KL: variants seen among roughly 807,000 people sequenced by gnomAD.
KL encodes alpha-klotho.
Under a neutral mutation model 84.2 loss-of-function variants are expected in KL, and 62 were observed. That is an observed-to-expected ratio of 0.74 (90% CI 0.60 to 0.91). The LOEUF is 0.91. Among genes scored for constraint, KL ranks in the 40% least tolerant of loss-of-function variants. KL has a pLI of 0.00. For synonymous variants in KL, 528 were observed against 528.0 expected, an observed-to-expected ratio of 1.00 and a Z score of 0.00; for missense variants, 1,261 against 1,305.7, an observed-to-expected ratio of 0.97 and a Z score of 0.53.
At chr13:33,044,635 A>ATTTTTTTTTTTT (rs1871453892) in intron 1 of KL, among the ~76,000 whole-genome samples, 1 of 72,292 alleles carries the variant, frequency 1.4e-5, no homozygotes. Context: ...AATGCAATTG[A>ATTTTTTTTTTTT]TTTTCTTTTT....
chr13:33,061,292 C>T lies in KL; in HGVS notation c.2213C>T (p.Ala738Val). ...TTGCAGGCTGATTGGATAGAACCTG[C>T]CTGCCCTTTCTCCCAAAAGGACAAA... The part of the protein sequence containing the change: ...IALQADWIEP[A>V]CPFSQKDKEV... Residue 738 changes from alanine (A) to valine (V), a missense_variant, in exon 4 of 5, where the codon GCC becomes GTC. Coordinates refer to ENST00000380099, the MANE Select transcript of KL (RefSeq NM_004795.4). 6.2e-7 allele frequency: 1 copy of T among 1,614,196 alleles called. No individual in the cohort carries two copies. The highest frequency in any genetic ancestry group is 8.5e-7 in the Non-Finnish European group (1 of 1,180,044).
chr13:33,059,365 G>A (rs2138240367), intron 3 of KL, among the ~76,000 whole-genome samples: 1 of 152,268 alleles, frequency 6.6e-6, no homozygotes, highest in South Asian at 2.1e-4. Context: ...CATTGTTACA[G>A]AAGAATAATT....
In KL at chr13:33,016,971, G is replaced by A; in HGVS notation, c.531G>A (p.Leu177=). 1 of 1,598,682 alleles carries A rather than the reference G, an allele frequency of 6.3e-7. No homozygotes were observed. Among genetic ancestry groups the A allele is most frequent in the Non-Finnish European group, 8.5e-7 (1 of 1,174,870 alleles). ...GGCTGCGCTACTACCGGCGCCTGCT[G>A]GAGCGGCTGCGGGAGCTGGGCGTGC... The part of the protein sequence containing the change: ...REGLRYYRRL[L]ERLRELGVQP... Residue 177 remains leucine (L), a synonymous_variant, in exon 1 of 5, where the codon CTG becomes CTA. Coordinates refer to ENST00000380099, the MANE Select transcript of KL (RefSeq NM_004795.4).
chr13:33,039,965 T>C (rs1871278898), intron 1 of KL, among the ~76,000 whole-genome samples: 1 of 152,144 alleles, frequency 6.6e-6, no homozygotes, highest in African/African-American at 2.4e-5. Flanking sequence ...TGCTAAGAAG[T>C]CCAAAGCAGG....
chr13:33,037,760 A>G (rs1384584739), intron 1 of KL, among the ~76,000 whole-genome samples: 2 of 152,052 alleles, frequency 1.3e-5, no homozygotes, highest in Non-Finnish European at 2.9e-5. Flanking sequence ...TGCCCAAGCT[A>G]GTACACTGGA....
chr13:33,054,386 G>C, intron 2 of KL, 109 bp downstream of exon 2: 6 of 1,195,676 alleles, frequency 5.0e-6, no homozygotes, highest in Non-Finnish European at 7.3e-6. Context: ...TCCTAATGGA[G>C]ACATTCATTT....
intron 1 of KL, among the ~76,000 whole-genome samples, chr13:33,030,313 C>T (rs1311919298): frequency 5.9e-5 from 9 of 152,126 alleles, no homozygotes; most frequent in Non-Finnish European, 1.2e-4. Context: ...ATTTTCTGAG[C>T]TAAGTTTGGT....
rs1224233820 is a variant in KL, at chr13:33,055,120, A to G, written c.1404A>G (p.Arg468=). 6.2e-7 allele frequency: 1 copy of G among 1,614,066 alleles called. No homozygotes were observed. Among genetic ancestry groups the G allele is most frequent in the Non-Finnish European group, 8.5e-7 (1 of 1,180,052 alleles). The part of the protein sequence containing the change: ...WSLMDGFEWH[R]GYSIRRGLFY... ...TCATGGATGGTTTCGAGTGGCACAG[A>G]GGTTACAGCATCAGGCGTGGACTCT... Residue 468 remains arginine, a synonymous_variant, in exon 3 of 5, where the codon AGA becomes AGG. Transcript: ENST00000380099.
chr13:33,061,519 G>A lies in KL; in HGVS notation c.2440G>A (p.Val814Ile). 6.2e-7 allele frequency: 1 copy of A among 1,614,182 alleles called. No individual in the cohort carries two copies. The highest frequency in any genetic ancestry group is 1.1e-5 in the South Asian group (1 of 91,076). Residue 814 changes from valine to isoleucine, a missense_variant, in exon 4 of 5, where the codon GTA (valine) becomes ATA (isoleucine). Physicochemically the swap from Val to Ile is conservative, Grantham distance 29. Transcript: ENST00000380099. ...LALSHYTTIL[V>I]DSEKEDPIKY... ...TTTAAGCCATTATACCACCATCCTT[G>A]TAGACTCAGAAAAAGAAGATCCAAT...
At chr13:33,026,445 G>A (rs1870779100) in intron 1 of KL, among the ~76,000 whole-genome samples, 1 of 115,336 alleles carries the variant, frequency 8.7e-6, no homozygotes, top group Non-Finnish European at 1.9e-5. Context: ...GAAGAATGGG[G>A]TGGGGGGGTC....
chr13:33,016,747 G>T lies in KL; in HGVS notation c.307G>T (p.Asp103Tyr), dbSNP rs548833535. The change falls in exon 1 of 5, where the codon GAC (aspartate) becomes TAC (tyrosine). Residue 103 changes from aspartate to tyrosine, a missense_variant. Coordinates refer to ENST00000380099, the MANE Select transcript of KL (RefSeq NM_004795.4). ...CCACCACCCCCTGGCACCCCCGGGA[G>T]ACTCCCGGAACGCCAGTCTGCCGTT... ...FTHHPLAPPGDSRNASLPLGA... is the reference protein window; with the variant it reads ...FTHHPLAPPGYSRNASLPLGA... 6.2e-7 allele frequency: 1 copy of T among 1,611,760 alleles called. No individual in the cohort carries two copies. The highest frequency in any genetic ancestry group is 8.5e-7 in the Non-Finnish European group (1 of 1,179,388).
At chr13:33,053,070 A>G (rs1349603333) in intron 1 of KL, among the ~76,000 whole-genome samples, 1 of 152,214 alleles carries the variant, frequency 6.6e-6, no homozygotes, top group East Asian at 1.9e-4. Context: ...GCTGCATGCT[A>G]ACAATGGACA....
Position 33,060,961 on chromosome 13 carries a change from C to T in KL, c.1882C>T (p.Arg628Cys), listed in dbSNP as rs200940225. The change falls in exon 4 of 5, where the codon CGT (arginine) becomes TGT (cysteine). Residue 628 changes from arginine to cysteine, a missense_variant. Physicochemically the swap from Arg to Cys is radical, Grantham distance 180. Transcript: ENST00000380099. ...TCGCTGCATGGCCAGCGAGCTTGTC[C>T]GTGTCAACATCACCCCAGTGGTGGC... ...YYRCMASELV[R>C]VNITPVVALW... 5.3e-5 allele frequency: 86 copies of T among 1,611,194 alleles called. No individual in the cohort carries two copies. The highest frequency in any genetic ancestry group is 2.7e-4 in the African/African-American group (20 of 74,900).
chr13:33,045,664 A>G (rs1427716379), intron 1 of KL, among the ~76,000 whole-genome samples: 1 of 152,062 alleles, frequency 6.6e-6, no homozygotes, highest in Non-Finnish European at 1.5e-5. Context: ...TTTTTAGTAG[A>G]GACGGGGTTT....
rs562924778 is a variant in KL, at chr13:33,028,769, A to G, written c.819+11510A>G. ...CAAAAATAAGAAGGAAAACAGTCTT[A>G]CTTACTACATTACAAGGTCCAGCTG... On this transcript the variant is annotated intron_variant, in intron 1 of 4. Transcript: ENST00000380099. Among the ~76,000 whole-genome samples, 15 of 152,368 alleles carry G rather than the reference A, an allele frequency of 9.8e-5. No individual in the cohort carries two copies. The South Asian group carries it at 3.1e-3, about 32-fold the overall frequency.
rs760352854 is a variant in KL at position 33,017,220 on chromosome 13, C to A, written c.780C>A (p.Ser260Arg). The change falls in exon 1 of 5, where the codon AGC (serine) becomes AGA (arginine). Residue 260 changes from serine (S) to arginine (R), a missense_variant. Coordinates refer to ENST00000380099, the MANE Select transcript of KL (RefSeq NM_004795.4). Reference sequence around the variant, plus strand: ...GCCTGGCCCCCGGCATCCGGGGCAGCCCGCGGCTCGGGTACCTGGTGGCGC... The same window carrying A: ...GCCTGGCCCCCGGCATCCGGGGCAGACCGCGGCTCGGGTACCTGGTGGCGC... The part of the protein sequence containing the change: ...TGRLAPGIRG[S>R]PRLGYLVAHN... 4 of 1,591,738 alleles carry A rather than the reference C, an allele frequency of 2.5e-6. No individual in the cohort carries two copies. Among genetic ancestry groups the A allele is most frequent in the Admixed American group, 3.4e-5 (2 of 59,032 alleles).
At chr13:33,048,942 T>G (rs1398931104) in intron 1 of KL, among the ~76,000 whole-genome samples, 1 of 152,156 alleles carries the variant, frequency 6.6e-6, no homozygotes, top group South Asian at 2.1e-4. Context: ...CTTCCAAAAT[T>G]TGGGGCTACT....
chr13:33,049,875 T>C (rs948534257), intron 1 of KL, among the ~76,000 whole-genome samples: 3 of 152,220 alleles, frequency 2.0e-5, no homozygotes, highest in African/African-American at 7.2e-5. Context: ...GAAAAAAATA[T>C]ATAGATGGGT....
intron 1 of KL, among the ~76,000 whole-genome samples, chr13:33,023,643 A>G (rs1312676251): frequency 6.6e-6 from 1 of 152,252 alleles, no homozygotes. Flanking sequence ...TATTGACTAA[A>G]CCAAAGATAA....
Sources: allele counts gnomAD v4.1 joint callset (sites outside exome capture counted in the v4.1 genomes callset), GRCh38; gene constraint gnomAD v4.1.1; transcripts MANE v1.5; gene names NCBI Gene and HGNC (gene_info 2026-07-23, HGNC 2026-07-21).